Variants in MIDEAS observed in about 807,000 individuals in gnomAD.
The protein encoded by MIDEAS is mitotic deacetylase associated SANT domain protein, also known as mitotic deacetylase-associated SANT domain protein.
Under a neutral mutation model 102.7 loss-of-function variants are expected in MIDEAS, and 26 were observed. That is an observed-to-expected ratio of 0.25 (90% CI 0.19 to 0.35). MIDEAS has a LOEUF of 0.35. MIDEAS is among the 10% of genes least tolerant of loss of function. The pLI is 1.00. For synonymous variants in MIDEAS, 585 were observed against 591.0 expected, an observed-to-expected ratio of 0.99 and a Z score of 0.15; for missense variants, 1,231 against 1,435.6, an observed-to-expected ratio of 0.86 and a Z score of 2.30.
In MIDEAS at chr14:73,740,048, A is replaced by G. The variant is rs772057230; in HGVS notation, c.-40T>C. On this transcript the variant is annotated 5_prime_UTR_variant, in exon 2 of 13. Coordinates refer to ENST00000423556, the MANE Select transcript of MIDEAS (RefSeq NM_001367710.1). ...AGCCCTGGCGGTGAGATCCCCTTCA[A>G]CAGTCGCCCATCCCCTGGGGAAACG... The G allele has an allele frequency of 2.8e-6, 4 of 1,440,092 alleles. No individual in the cohort carries two copies. Among genetic ancestry groups the G allele is most frequent in the Non-Finnish European group, 3.7e-6 (4 of 1,094,704 alleles). The allele number at this position is 1,440,092 out of a possible 1,614,324, so 89.2% of individuals were successfully genotyped here.
chr14:73,790,178 A>G (rs1461652651), upstream of MIDEAS: 2 of 152,216 alleles, frequency 1.3e-5, no homozygotes, highest in African/African-American at 2.4e-5. Context: ...TCTCAGCATC[A>G]TTTCCTCTCT....
At chr14:73,786,607 TCCGAGCTACTCTG>T (rs369429353) in intron 1 of MIDEAS, among the ~76,000 whole-genome samples, 12 of 152,218 alleles carry the variant, frequency 7.9e-5, no homozygotes, top group African/African-American at 2.4e-4. Flanking sequence ...TTCCCAAACT[TCCGAGCTACTCTG>T]CTCTTCGTCC....
rs867815102 is a variant in MIDEAS at position 73,719,100 on chromosome 14, C to T, written c.3135-92G>A. 33 of 1,454,440 alleles carry T rather than the reference C, an allele frequency of 2.3e-5. No homozygotes were observed. In the Middle Eastern group the frequency reaches 1.9e-3, roughly 85 times the overall value. The allele number at this position is 1,454,440 out of a possible 1,614,324, so 90.1% of individuals were successfully genotyped here. On this transcript the variant is annotated intron_variant, in intron 12 of 12. Transcript: ENST00000423556. ...GAGGAGCCCCAGCCTTCACCTTCAC[C>T]CCCACGCTGCACAGCCGCGGCCGGC...
At chr14:73,764,637 C>T (rs1430645191), upstream of MIDEAS, among the ~76,000 whole-genome samples, 3 of 152,184 alleles carry the variant, frequency 2.0e-5, no homozygotes, top group Non-Finnish European at 4.4e-5. Context: ...CTGAGCAAAC[C>T]GCGAGCTCAC....
intron 1 of MIDEAS, among the ~76,000 whole-genome samples, chr14:73,747,435 G>A (rs939668511): frequency 2.0e-5 from 3 of 152,172 alleles, no homozygotes; most frequent in Admixed American, 6.5e-5. Flanking sequence ...CCGAATATGC[G>A]AGAGTACTGC....
At chr14:73,780,922 C>A (rs1473237694) in intron 1 of MIDEAS, among the ~76,000 whole-genome samples, 1 of 140,742 alleles carries the variant, frequency 7.1e-6, no homozygotes, top group Non-Finnish European at 1.6e-5. Context: ...TCTTCTTCAC[C>A]CCTAGTTTTT....
chr14:73,770,694 C>T (rs929434935), intron 1 of MIDEAS, among the ~76,000 whole-genome samples: 1 of 152,180 alleles, frequency 6.6e-6, no homozygotes, highest in African/African-American at 2.4e-5. Context: ...TTCACTAATA[C>T]CTTATTTCAG....
intron 1 of MIDEAS, among the ~76,000 whole-genome samples, chr14:73,774,021 CAAAA>C (rs11322935): frequency 4.4e-5 from 5 of 113,034 alleles, no homozygotes; most frequent in Admixed American, 8.9e-5. Flanking sequence ...GACTGAATCT[CAAAA>C]AAAAAAAAAA....
At chr14:73,788,494 A>G (rs1307048903), upstream of MIDEAS, among the ~76,000 whole-genome samples, 1 of 152,256 alleles carries the variant, frequency 6.6e-6, no homozygotes, top group Non-Finnish European at 1.5e-5. Context: ...ATGGAAAGCC[A>G]CAGACTCACC....
intron 1 of MIDEAS, among the ~76,000 whole-genome samples, chr14:73,752,436 T>C (rs75738406): frequency 0.017 from 2,514 of 152,300 alleles, 80 homozygotes; most frequent in African/African-American, 0.058. Context: ...CAGGCTCTCC[T>C]GACTGGTCAG....
chr14:73,726,523 G>T, intron 7 of MIDEAS, 81 bp downstream of exon 7: 1 of 1,348,134 alleles, frequency 7.4e-7, no homozygotes, highest in Non-Finnish European at 1.0e-6. Context: ...CATGCCAGCA[G>T]CCATAGGTCC....
chr14:73,780,604 C>T (rs1267759925), intron 1 of MIDEAS, among the ~76,000 whole-genome samples: 1 of 152,238 alleles, frequency 6.6e-6, no homozygotes, highest in Non-Finnish European at 1.5e-5. Flanking sequence ...GACAGCACTG[C>T]AGCTGTTCCA....
intron 11 of MIDEAS, among the ~76,000 whole-genome samples, chr14:73,720,033 G>A (rs2052964219): frequency 6.6e-6 from 1 of 151,924 alleles, no homozygotes; most frequent in African/African-American, 2.4e-5. Flanking sequence ...AGAGGGAGCA[G>A]AGGTGACCTC....
upstream of MIDEAS, among the ~76,000 whole-genome samples, chr14:73,763,064 A>G (rs2053566433): frequency 2.0e-5 from 3 of 152,132 alleles, 1 homozygote; most frequent in South Asian, 6.2e-4. Context: ...GGCCAGGCAC[A>G]GTGGTTCACA....
At chr14:73,730,977 GA>G (rs140866113) in intron 3 of MIDEAS, among the ~76,000 whole-genome samples, 7,805 of 150,930 alleles carry the variant, frequency 0.052, 198 homozygotes, top group Middle Eastern at 0.085. Context: ...AAAGGAAAAA[GA>G]AAAAAAAATG....
chr14:73,716,108 A>G lies in MIDEAS; in HGVS notation c.*2735T>C, dbSNP rs1382533824. 1 of 152,496 alleles carries G rather than the reference A, an allele frequency of 6.6e-6. No individual in the cohort carries two copies. Among genetic ancestry groups the G allele is most frequent in the Non-Finnish European group, 1.5e-5 (1 of 68,046 alleles). 9.4% of individuals were successfully genotyped at this position (152,496 alleles called of 1,614,324 possible). The stretch of plus-strand genomic sequence containing the variant: ...CTCAAGGAGCTCTGAATATAGGGGG[A>G]AAAAAACAACAAAAAGACAAGCCCA... On this transcript the variant is annotated 3_prime_UTR_variant, in exon 13 of 13. Coordinates refer to ENST00000423556, the MANE Select transcript of MIDEAS (RefSeq NM_001367710.1).
intron 1 of MIDEAS, among the ~76,000 whole-genome samples, chr14:73,741,918 C>T (rs1346759862): frequency 6.6e-6 from 1 of 152,170 alleles, no homozygotes; most frequent in Non-Finnish European, 1.5e-5. Flanking sequence ...GTCACCCTCA[C>T]CCCCAGCAAG....
At position 73,770,642 on chromosome 14, in the gene MIDEAS, G is replaced by A. The variant is rs541128449; in HGVS notation, c.-248+16460C>T. On this transcript the variant is annotated intron_variant, in intron 1 of 11. Coordinates refer to the MIDEAS transcript ENST00000394071. ...AAACCCACACCAATTAACCTCCAGC[G>A]TCCTGGGTACTAACTATGACTGCTG... 6.6e-5 allele frequency among the ~76,000 whole-genome samples: 10 copies of A among 152,234 alleles called. No homozygotes were observed. The South Asian group carries it at 1.5e-3, about 22-fold the overall frequency.
chr14:73,781,319 T>C (rs1227407962), intron 1 of MIDEAS, among the ~76,000 whole-genome samples: 1 of 152,230 alleles, frequency 6.6e-6, no homozygotes, highest in Non-Finnish European at 1.5e-5. Context: ...TAAAAGTTGA[T>C]TATTTTGTAA....
Sources: allele counts gnomAD v4.1 joint callset (sites outside exome capture counted in the v4.1 genomes callset), GRCh38; gene constraint gnomAD v4.1.1; transcripts MANE v1.5; gene names NCBI Gene and HGNC (gene_info 2026-07-23, HGNC 2026-07-21).